The following THSD7A variants were observed in gnomAD, a reference collection of about 807,000 sequenced individuals.
THSD7A encodes thrombospondin type 1 domain containing 7A.
THSD7A carries 96 observed loss-of-function variants against 231.3 expected under a neutral mutation model. That is an observed-to-expected ratio of 0.41 (90% CI 0.35 to 0.49). The LOEUF (loss-of-function observed/expected upper bound fraction) is 0.49. Among genes scored for constraint, THSD7A ranks in the 20% least tolerant of loss-of-function variants. THSD7A has a pLI of 0.05. For missense variants in THSD7A, 2,290 were observed against 2,070.2 expected, an observed-to-expected ratio of 1.11 and a Z score of -2.06; for synonymous variants, 940 against 743.3, an observed-to-expected ratio of 1.26 and a Z score of -4.30.
At chr7:11,554,484 A>G (rs1789762137) in intron 4 of THSD7A, among the ~76,000 whole-genome samples, 1 of 151,996 alleles carries the variant, frequency 6.6e-6, no homozygotes, top group South Asian at 2.1e-4. Flanking sequence ...GTTCTTCTCT[A>G]TTCCTATTTT....
intron 14 of THSD7A, among the ~76,000 whole-genome samples, chr7:11,426,945 AAATGGAGTTGACCTCAC>A (rs1324352983): frequency 3.3e-5 from 5 of 152,162 alleles, no homozygotes; most frequent in Non-Finnish European, 7.4e-5. Flanking sequence ...AAATCTTAGA[AAATGGAGTTGACCTCAC>A]AATACATAGC....
chr7:11,437,191 T>C (rs1784660533), intron 13 of THSD7A, among the ~76,000 whole-genome samples: 1 of 152,028 alleles, frequency 6.6e-6, no homozygotes, highest in Non-Finnish European at 1.5e-5. Context: ...AGTAGATGAG[T>C]TGAGGTGTCG....
intron 6 of THSD7A, among the ~76,000 whole-genome samples, chr7:11,521,965 T>C (rs2128316548): frequency 6.6e-6 from 1 of 152,274 alleles, no homozygotes; most frequent in Non-Finnish European, 1.5e-5. Flanking sequence ...AAAAGGGTTT[T>C]ATAAACTGTT....
At chr7:11,782,105 A>T (rs1021331461) in intron 1 of THSD7A, among the ~76,000 whole-genome samples, 1 of 152,194 alleles carries the variant, frequency 6.6e-6, no homozygotes, top group African/African-American at 2.4e-5. Context: ...TTATGGGTAT[A>T]AAGTTGTAAT....
chr7:11,819,804 A>G (rs184835803), intron 1 of THSD7A, among the ~76,000 whole-genome samples: 1 of 152,182 alleles, frequency 6.6e-6, no homozygotes, highest in Non-Finnish European at 1.5e-5. Flanking sequence ...ATCCTAATGT[A>G]AACCATGGAC....
At chr7:11,458,220 T>G (rs1318108680) in intron 11 of THSD7A, among the ~76,000 whole-genome samples, 3 of 152,020 alleles carry the variant, frequency 2.0e-5, no homozygotes, top group Non-Finnish European at 4.4e-5. Context: ...TCTGACCATA[T>G]AAGTAAGGAT....
At chr7:11,810,631 T>C (rs1445138657) in intron 1 of THSD7A, among the ~76,000 whole-genome samples, 3 of 152,068 alleles carry the variant, frequency 2.0e-5, no homozygotes, top group Non-Finnish European at 4.4e-5. Context: ...AAAGAAGAAA[T>C]AGCCAACACT....
At chr7:11,404,484 T>G (rs1271539585) in intron 22 of THSD7A, among the ~76,000 whole-genome samples, 1 of 152,244 alleles carries the variant, frequency 6.6e-6, no homozygotes, top group African/African-American at 2.4e-5. Context: ...GGTCACTTTT[T>G]GTTGCCTCTA....
At chr7:11,463,851 T>C (rs1785596647) in intron 9 of THSD7A, among the ~76,000 whole-genome samples, 1 of 152,198 alleles carries the variant, frequency 6.6e-6, no homozygotes, top group Non-Finnish European at 1.5e-5. Flanking sequence ...TCTCCATCTA[T>C]TATATTGTCA....
At chr7:11,638,547 G>C (rs1002708879) in intron 1 of THSD7A, among the ~76,000 whole-genome samples, 13 of 152,202 alleles carry the variant, frequency 8.5e-5, no homozygotes, top group African/African-American at 2.7e-4. Flanking sequence ...AAATAGAATA[G>C]AGACTTGCTG....
intron 4 of THSD7A, among the ~76,000 whole-genome samples, chr7:11,560,657 T>C (rs116432842): frequency 0.011 from 1,606 of 152,258 alleles, 28 homozygotes; most frequent in African/African-American, 0.035. Context: ...AGCCCATTTA[T>C]TGAAACTCCT....
intron 19 of THSD7A, among the ~76,000 whole-genome samples, chr7:11,409,662 A>G (rs1783712816): frequency 6.6e-6 from 1 of 152,184 alleles, no homozygotes; most frequent in Non-Finnish European, 1.5e-5. Context: ...ATGTGTGCAG[A>G]AAAAAGGACA....
chr7:11,753,308 A>C (rs1583259095), intron 1 of THSD7A, among the ~76,000 whole-genome samples: 1 of 152,194 alleles, frequency 6.6e-6, no homozygotes, highest in East Asian at 1.9e-4. Context: ...GCAGTGTTGT[A>C]GTTTTCAAAA....
rs561268607 is a variant in THSD7A, at chr7:11,464,093, C to T, written c.2369-1950G>A. On this transcript the variant is annotated intron_variant, in intron 9 of 27. Coordinates refer to ENST00000423059, the MANE Select transcript of THSD7A (RefSeq NM_015204.3). ...CCTTCTACCCCCTTCCTATTCACTA[C>T]CTGGATTTGCCCTTCTTTTACAATT... Among the ~76,000 whole-genome samples the T allele has an allele frequency of 9.9e-5, 15 of 152,206 alleles. No individual in the cohort carries two copies. In the South Asian group the frequency reaches 2.9e-3, roughly 30 times the overall value.
At chr7:11,643,717 G>A (rs968620554) in intron 1 of THSD7A, among the ~76,000 whole-genome samples, 2 of 151,574 alleles carry the variant, frequency 1.3e-5, no homozygotes, top group African/African-American at 2.4e-5. Flanking sequence ...TTGTTCTATC[G>A]ATTCACCATG....
At position 11,424,761 on chromosome 7, in the gene THSD7A, G is replaced by A; in HGVS notation, c.3318C>T (p.Ile1106=). ...GCATATTCACAAAGGTCACCTTGCAGATGCTCCAGGGCTCTGTGACCCATA... is the reference window on the plus strand; with the variant it reads ...GCATATTCACAAAGGTCACCTTGCAAATGCTCCAGGGCTCTGTGACCCATA... The part of the protein sequence containing the change: ...QYLWVTEPWS[I]CKVTFVNMRE... The change falls in exon 16 of 28, where the codon ATC becomes ATT. Residue 1106 remains isoleucine (I), a synonymous_variant. Coordinates refer to ENST00000423059, the MANE Select transcript of THSD7A (RefSeq NM_015204.3). 1 of 1,614,008 alleles carries A rather than the reference G, an allele frequency of 6.2e-7. No homozygotes were observed. The highest frequency in any genetic ancestry group is 1.1e-5 in the South Asian group (1 of 91,084).
chr7:11,687,709 G>A (rs1780101915), intron 1 of THSD7A, among the ~76,000 whole-genome samples: 1 of 151,830 alleles, frequency 6.6e-6, no homozygotes, highest in African/African-American at 2.4e-5. Flanking sequence ...TAGAATGCCA[G>A]TGTCAAATAT....
intron 2 of THSD7A, among the ~76,000 whole-genome samples, chr7:11,599,347 A>T (rs1024898001): frequency 1.3e-5 from 2 of 152,194 alleles, no homozygotes; most frequent in Admixed American, 1.3e-4. Flanking sequence ...GGGAATACAG[A>T]ATGAGTAGCA....
At chr7:11,532,501 A>T (rs1195683680) in intron 6 of THSD7A, among the ~76,000 whole-genome samples, 1 of 152,174 alleles carries the variant, frequency 6.6e-6, no homozygotes, top group African/African-American at 2.4e-5. Context: ...ATAATAAATT[A>T]AATCATTTGC....
Sources: allele counts gnomAD v4.1 joint callset (sites outside exome capture counted in the v4.1 genomes callset), GRCh38; gene constraint gnomAD v4.1.1; transcripts MANE v1.5; gene names NCBI Gene and HGNC (gene_info 2026-07-23, HGNC 2026-07-21).